Variants in FBXO10 observed in about 807,000 individuals in gnomAD.
FBXO10 encodes the protein F-box protein 10.
A neutral mutation model predicts 80.7 loss-of-function variants in FBXO10; 39 were observed. The ratio of observed to expected loss-of-function variants is 0.48; its 90% CI spans 0.37 to 0.63. FBXO10 has a LOEUF of 0.63. Among genes scored for constraint, FBXO10 ranks in the 30% least tolerant of loss-of-function variants. The probability of loss-of-function intolerance (pLI) is 0.00; values close to 1 mark genes in which losing one functional copy is unlikely to be tolerated. For synonymous variants in FBXO10, 449 were observed against 489.6 expected, an observed-to-expected ratio of 0.92 and a Z score of 1.09; for missense variants, 1,025 against 1,269.0, an observed-to-expected ratio of 0.81 and a Z score of 2.92.
chr9:37,529,394 C>T (rs922882515), intron 4 of FBXO10, 134 bp from the exon 5 acceptor site: 13 of 949,714 alleles, frequency 1.4e-5, no homozygotes, highest in South Asian at 3.3e-5. Context: ...AGCCCTAGCC[C>T]GTGACAAAGG....
At chr9:37,525,040 TG>T (rs1485154786) in intron 6 of FBXO10, 61 bp downstream of exon 6, 13 of 1,423,920 alleles carry the variant, frequency 9.1e-6, no homozygotes, top group South Asian at 1.2e-5. Flanking sequence ...GTCCTGAAGC[TG>T]GGGGGTGACG....
At chr9:37,524,986 A>C in intron 6 of FBXO10, 116 bp downstream of exon 6, 1 of 866,246 alleles carries the variant, frequency 1.2e-6, no homozygotes, top group Non-Finnish European at 1.8e-6. Context: ...CCCACCAGTC[A>C]GAGAAAGAGG....
At chr9:37,533,716 C>A (rs1411185669) in intron 3 of FBXO10, among the ~76,000 whole-genome samples, 3 of 151,592 alleles carry the variant, frequency 2.0e-5, no homozygotes, top group Non-Finnish European at 4.4e-5. Context: ...ACTAAAAATA[C>A]AACAAATTAG....
chr9:37,542,346 A>T (rs1008818434), intron 1 of FBXO10, among the ~76,000 whole-genome samples: 1 of 151,872 alleles, frequency 6.6e-6, no homozygotes, highest in Non-Finnish European at 1.5e-5. Flanking sequence ...CTGTAATCCC[A>T]GCACTTTGAG....
chr9:37,550,189 T>G (rs1822160593), intron 1 of FBXO10, among the ~76,000 whole-genome samples: 1 of 109,310 alleles, frequency 9.1e-6, no homozygotes, highest in African/African-American at 3.6e-5. Flanking sequence ...TTTTTTTTTT[T>G]TTTTTTTTTT....
chr9:37,540,744 G>C (rs1053497602), intron 2 of FBXO10, among the ~76,000 whole-genome samples: 1 of 152,168 alleles, frequency 6.6e-6, no homozygotes, highest in African/African-American at 2.4e-5. Context: ...ATCCCACACA[G>C]GGTGGGGTTC....
At chr9:37,545,011 A>AG (rs1554647297) in intron 1 of FBXO10, among the ~76,000 whole-genome samples, 2,426 of 138,390 alleles carry the variant, frequency 0.018, 31 homozygotes, top group Middle Eastern at 0.038. Flanking sequence ...AAAAAAAAAA[A>AG]AGAGAGAGAA....
At chr9:37,564,691 C>T (rs1386214241) in intron 1 of FBXO10, among the ~76,000 whole-genome samples, 1 of 152,214 alleles carries the variant, frequency 6.6e-6, no homozygotes, top group Admixed American at 6.5e-5. Context: ...CCTGTAGCCC[C>T]TTTGGCCAAT....
Position 37,569,555 on chromosome 9 carries a change from T to C in FBXO10, c.-7+6656A>G, listed in dbSNP as rs182493577. 9.2e-5 allele frequency among the ~76,000 whole-genome samples: 14 copies of C among 152,040 alleles called. No homozygotes were observed. The East Asian group carries it at 1.2e-3, about 13-fold the overall frequency. On this transcript the variant is annotated intron_variant, in intron 1 of 10. Transcript: ENST00000432825. ...ACAAACTTGATCTAATGGCATTTCATTGGACATTGAATCCAATAACTGTAG... is the reference window on the plus strand; with the variant it reads ...ACAAACTTGATCTAATGGCATTTCACTGGACATTGAATCCAATAACTGTAG...
chr9:37,545,277 A>G (rs982509522), intron 1 of FBXO10, among the ~76,000 whole-genome samples: 9 of 145,298 alleles, frequency 6.2e-5, no homozygotes, highest in African/African-American at 1.8e-4. Flanking sequence ...CTCAGGTTCA[A>G]GTGATTCTCC....
intron 1 of FBXO10, among the ~76,000 whole-genome samples, chr9:37,558,393 C>T (rs557870835): frequency 3.3e-5 from 5 of 152,256 alleles, no homozygotes; most frequent in South Asian, 4.2e-4. Flanking sequence ...CTTCTCAACT[C>T]GAGCCTAGTT....
At chr9:37,528,272 G>C (rs753565164) in intron 5 of FBXO10, among the ~76,000 whole-genome samples, 1 of 152,210 alleles carries the variant, frequency 6.6e-6, no homozygotes, top group Non-Finnish European at 1.5e-5. Flanking sequence ...GTGTGGCACA[G>C]ATGGTCTGCC....
intron 3 of FBXO10, 71 bp from the exon 4 acceptor site, chr9:37,532,129 C>T (rs1330146653): frequency 1.0e-5 from 15 of 1,500,608 alleles, no homozygotes; most frequent in Non-Finnish European, 1.2e-5. Flanking sequence ...GGAGGAACAC[C>T]TGAGTCTTTT....
intron 1 of FBXO10, among the ~76,000 whole-genome samples, chr9:37,550,103 AC>A (rs1487293518): frequency 6.6e-6 from 1 of 151,098 alleles, no homozygotes; most frequent in Non-Finnish European, 1.5e-5. Flanking sequence ...GTGGCACAGT[AC>A]ATATAGGAAG....
At chr9:37,532,128 C>T (rs1210666036) in intron 3 of FBXO10, 70 bp from the exon 4 acceptor site, 1 of 1,502,828 alleles carries the variant, frequency 6.7e-7, no homozygotes, top group Non-Finnish European at 9.0e-7. Context: ...TGGAGGAACA[C>T]CTGAGTCTTT....
intron 1 of FBXO10, among the ~76,000 whole-genome samples, chr9:37,549,158 T>C (rs1822128465): frequency 6.6e-6 from 1 of 152,186 alleles, no homozygotes. Context: ...TGTGAGCTTG[T>C]CTTTTTCTCT....
chr9:37,521,556 G>T lies in FBXO10; in HGVS notation c.2200+13C>A, dbSNP rs1486119343. On this transcript the variant is annotated intron_variant, in intron 8 of 10. Coordinates refer to ENST00000432825, the MANE Select transcript of FBXO10 (RefSeq NM_012166.3). ...GGAAGGTTCTTGAGCAGGGGCTGAG[G>T]GGGTATACTCACCTCCATTGTGATT... The T allele has an allele frequency of 1.3e-6, 2 of 1,582,748 alleles. No homozygotes were observed. Among genetic ancestry groups the T allele is most frequent in the South Asian group, 2.3e-5 (2 of 86,560 alleles).
chr9:37,527,911 C>T (rs1049606807), intron 5 of FBXO10, among the ~76,000 whole-genome samples: 2 of 152,028 alleles, frequency 1.3e-5, no homozygotes, highest in Non-Finnish European at 2.9e-5. Context: ...GATTATATTC[C>T]GTAATTTTTG....
intron 1 of FBXO10, among the ~76,000 whole-genome samples, chr9:37,554,289 T>A (rs1342838054): frequency 6.6e-6 from 1 of 152,184 alleles, no homozygotes; most frequent in Non-Finnish European, 1.5e-5. Context: ...TAAAACTGTA[T>A]CATGTCAAAA....
Sources: allele counts gnomAD v4.1 joint callset (sites outside exome capture counted in the v4.1 genomes callset), GRCh38; gene constraint gnomAD v4.1.1; transcripts MANE v1.5; gene names NCBI Gene and HGNC (gene_info 2026-07-23, HGNC 2026-07-21).